The following UBE2E1 variants were observed in gnomAD, a reference collection of about 807,000 sequenced individuals.
The protein encoded by UBE2E1 is ubiquitin-conjugating enzyme E2 E1.
A neutral mutation model predicts 21.4 loss-of-function variants in UBE2E1; 6 were observed. The observed-to-expected ratio is 0.28, with a 90% CI of 0.15 to 0.55. The LOEUF is 0.55. UBE2E1 is among the 20% of genes least tolerant of loss of function. UBE2E1 has a pLI of 0.93. For synonymous variants in UBE2E1, 87 were observed against 82.7 expected, an observed-to-expected ratio of 1.05 and a Z score of -0.28; for missense variants, 142 against 236.5, an observed-to-expected ratio of 0.60 and a Z score of 2.62.
At chr3:23,880,001 C>T (rs1349936861) in intron 3 of UBE2E1, among the ~76,000 whole-genome samples, 1 of 152,226 alleles carries the variant, frequency 6.6e-6, no homozygotes, top group Non-Finnish European at 1.5e-5. Context: ...AATCTCAGCA[C>T]TTTGGGAGGC....
In UBE2E1 at chr3:23,859,238, A is replaced by C. The variant is rs536641591; in HGVS notation, c.204-28329A>C. 7.2e-5 allele frequency among the ~76,000 whole-genome samples: 11 copies of C among 152,270 alleles called. No individual in the cohort carries two copies. In the South Asian group the frequency reaches 2.3e-3, roughly 32 times the overall value. ...AGCTGGTTGAGAGGAAGTGATGTTT[A>C]ATCCTTGACCTACTTTTCATCTTCC... On this transcript the variant is annotated intron_variant, in intron 3 of 5. Coordinates refer to ENST00000306627, the MANE Select transcript of UBE2E1 (RefSeq NM_003341.5).
intron 3 of UBE2E1, among the ~76,000 whole-genome samples, chr3:23,883,967 C>T (rs1701116485): frequency 1.3e-5 from 2 of 150,936 alleles, no homozygotes; most frequent in African/African-American, 4.9e-5. Context: ...CCAGTGGATT[C>T]TCAAGACCAT....
chr3:23,865,119 T>G (rs1460371360), intron 3 of UBE2E1, among the ~76,000 whole-genome samples: 1 of 152,218 alleles, frequency 6.6e-6, no homozygotes, highest in African/African-American at 2.4e-5. Context: ...AGCTGAGCCC[T>G]CTGCTCAGGG....
At chr3:23,824,529 A>G (rs2125289177) in intron 3 of UBE2E1, among the ~76,000 whole-genome samples, 1 of 152,280 alleles carries the variant, frequency 6.6e-6, no homozygotes, top group Admixed American at 6.5e-5. Context: ...TGAACTTTCT[A>G]TCTGAATGTA....
At chr3:23,839,339 A>T (rs542640944) in intron 3 of UBE2E1, among the ~76,000 whole-genome samples, 1 of 151,868 alleles carries the variant, frequency 6.6e-6, no homozygotes, top group Non-Finnish European at 1.5e-5. Context: ...TGACATGCGC[A>T]TGTAGTCTCA....
intron 3 of UBE2E1, among the ~76,000 whole-genome samples, chr3:23,849,717 AT>A (rs1700282421): frequency 6.6e-6 from 1 of 152,192 alleles, no homozygotes; most frequent in Non-Finnish European, 1.5e-5. Context: ...ATAGTATTCC[AT>A]GGTGTATATG....
chr3:23,883,862 G>C (rs1701111533), intron 3 of UBE2E1, among the ~76,000 whole-genome samples: 1 of 148,522 alleles, frequency 6.7e-6, no homozygotes, highest in Admixed American at 6.8e-5. Flanking sequence ...GTTGCAGTGA[G>C]CTGAGATCAT....
At chr3:23,841,381 G>A (rs1575823038) in intron 3 of UBE2E1, among the ~76,000 whole-genome samples, 1 of 151,936 alleles carries the variant, frequency 6.6e-6, no homozygotes, top group East Asian at 1.9e-4. Context: ...TTTAAGAATA[G>A]ATGATTGATT....
intron 5 of UBE2E1, 118 bp from the exon 6 acceptor site, chr3:23,890,391 G>T: frequency 1.2e-6 from 1 of 845,234 alleles, no homozygotes; most frequent in Non-Finnish European, 1.8e-6. Flanking sequence ...GTGGTGTTTC[G>T]AAGATGGGTT....
chr3:23,835,050 A>G (rs1357148579), intron 3 of UBE2E1, among the ~76,000 whole-genome samples: 1 of 152,254 alleles, frequency 6.6e-6, no homozygotes, highest in Non-Finnish European at 1.5e-5. Flanking sequence ...ACAATATTTT[A>G]ACATTTTTAG....
In UBE2E1 at chr3:23,879,498, A is replaced by G. The variant is rs982179190; in HGVS notation, c.204-8069A>G. The G allele has an allele frequency of 4.9e-5, 16 of 323,990 alleles. 1 individual carries two copies. The highest frequency in any genetic ancestry group is 1.3e-4 in the South Asian group (4 of 29,694). 20.1% of individuals were successfully genotyped at this position (323,990 alleles called of 1,614,324 possible). On this transcript the variant is annotated intron_variant, in intron 3 of 5. Transcript: ENST00000306627. ...GTGTGGTCTGATAGTCCATTTCCCA[A>G]TTTCCCACTGCAAATAAATGTCCCA...
chr3:23,878,770 A>G (rs983333735), intron 3 of UBE2E1, among the ~76,000 whole-genome samples: 4 of 152,242 alleles, frequency 2.6e-5, no homozygotes, highest in African/African-American at 9.6e-5. Flanking sequence ...GTCTAGTTGC[A>G]GGAAAACAAG....
intron 3 of UBE2E1, among the ~76,000 whole-genome samples, chr3:23,821,152 G>A (rs1341936532): frequency 2.0e-5 from 3 of 152,230 alleles, no homozygotes; most frequent in Non-Finnish European, 4.4e-5. Flanking sequence ...CTGAATTTTA[G>A]TAGACAGTGC....
At position 23,890,789 on chromosome 3, in the gene UBE2E1, G is replaced by T; in HGVS notation, c.*183G>T. The T allele has an allele frequency of 2.1e-6, 1 of 473,812 alleles. No individual in the cohort carries two copies. The allele number at this position is 473,812 out of a possible 1,614,324, so 29.4% of individuals were successfully genotyped here. A position where few individuals can be genotyped will look rare whatever the true frequency, so the allele number is the denominator to read the frequency against. The stretch of plus-strand genomic sequence containing the variant: ...GTATCTTGCTACAGTAGACAGAATT[G>T]GTAATAGCAACTTTTAAAATTGTCA... On this transcript the variant is annotated 3_prime_UTR_variant, in exon 6 of 6. Transcript: ENST00000306627.
At position 23,810,578 on chromosome 3, in the gene UBE2E1, G is replaced by T; in HGVS notation, c.153-882G>T. 1 of 1,505,658 alleles carries T rather than the reference G, an allele frequency of 6.6e-7. No individual in the cohort carries two copies. 93.3% of individuals were successfully genotyped at this position (1,505,658 alleles called of 1,614,324 possible). ...CCGGCCAGCGTGCGGGGCGGAGGCAGGGTCCGGTGCACCTGTGCGGCCGCG... is the reference window on the plus strand; with the variant it reads ...CCGGCCAGCGTGCGGGGCGGAGGCATGGTCCGGTGCACCTGTGCGGCCGCG... On this transcript the variant is annotated intron_variant, in intron 2 of 5. Coordinates refer to ENST00000306627, the MANE Select transcript of UBE2E1 (RefSeq NM_003341.5). This position sits in a 1 kb window ranked among gnomAD's most constrained non-coding sequence, Gnocchi z 5.8.
Position 23,879,448 on chromosome 3 carries a change from T to C in UBE2E1, c.204-8119T>C, listed in dbSNP as rs1700986516. ...GGAAAACAGTGTGGAAAGACTGAAATGAAGGCCGACTGGACAGGATAGAAG... is the reference window on the plus strand; with the variant it reads ...GGAAAACAGTGTGGAAAGACTGAAACGAAGGCCGACTGGACAGGATAGAAG... On this transcript the variant is annotated intron_variant, in intron 3 of 5. Coordinates refer to ENST00000306627, the MANE Select transcript of UBE2E1 (RefSeq NM_003341.5). 4.0e-5 allele frequency: 17 copies of C among 424,426 alleles called. 1 individual carries two copies. The highest frequency in any genetic ancestry group is 3.4e-4 in the South Asian group (17 of 49,734). The allele number at this position is 424,426 out of a possible 1,614,324, so 26.3% of individuals were successfully genotyped here. A position where few individuals can be genotyped will look rare whatever the true frequency, so the allele number is the denominator to read the frequency against.
intron 3 of UBE2E1, among the ~76,000 whole-genome samples, chr3:23,855,249 T>C (rs1700409844): frequency 6.6e-6 from 1 of 152,224 alleles, no homozygotes; most frequent in Non-Finnish European, 1.5e-5. Flanking sequence ...GAAACACTTC[T>C]ACCATTCTTA....
Position 23,890,682 on chromosome 3 carries a change from G to A in UBE2E1, c.*76G>A. The A allele has an allele frequency of 8.0e-7, 1 of 1,257,144 alleles. No individual in the cohort carries two copies. The highest frequency in any genetic ancestry group is 1.4e-5 in the South Asian group (1 of 70,952). 77.9% of individuals were successfully genotyped at this position (1,257,144 alleles called of 1,614,324 possible). A position where few individuals can be genotyped will look rare whatever the true frequency, so the allele number is the denominator to read the frequency against. Reference sequence around the variant, plus strand: ...CTTATGATTTTGAAGGGGTCAGGGAGGGTGGGAGTTGGTAAAGAGTAGGGT... The same window carrying A: ...CTTATGATTTTGAAGGGGTCAGGGAAGGTGGGAGTTGGTAAAGAGTAGGGT... On this transcript the variant is annotated 3_prime_UTR_variant, in exon 6 of 6. Coordinates refer to ENST00000306627, the MANE Select transcript of UBE2E1 (RefSeq NM_003341.5).
intron 3 of UBE2E1, among the ~76,000 whole-genome samples, chr3:23,821,766 G>A (rs1210464608): frequency 6.6e-6 from 1 of 152,212 alleles, no homozygotes; most frequent in African/African-American, 2.4e-5. Context: ...CGTAGGGCGC[G>A]TGTGTGGTGG....
Sources: allele counts gnomAD v4.1 joint callset (sites outside exome capture counted in the v4.1 genomes callset), GRCh38; gene constraint gnomAD v4.1.1; non-coding constraint Gnocchi (gnomAD v3.1); transcripts MANE v1.5; gene names NCBI Gene and HGNC (gene_info 2026-07-23, HGNC 2026-07-21).